BCAR1: variants seen among roughly 807,000 people sequenced by gnomAD.
The protein encoded by BCAR1 is breast cancer anti-estrogen resistance protein 1.
A neutral mutation model predicts 67.6 loss-of-function variants in BCAR1; 30 were observed. That is an observed-to-expected ratio of 0.44 (90% CI 0.33 to 0.60). BCAR1 has a LOEUF of 0.60. BCAR1 is among the 20% of genes least tolerant of loss of function. BCAR1 has a pLI of 0.02. For missense variants in BCAR1, 1,313 were observed against 1,222.3 expected (o/e 1.07, Z -1.11); for synonymous variants, 626 against 556.7 (o/e 1.12, Z -1.75).
intron 2 of BCAR1, chr16:75,238,082 T>C (rs753625070): frequency 4.1e-5 from 53 of 1,288,600 alleles, no homozygotes; most frequent in Non-Finnish European, 2.3e-5. Flanking sequence ...CCTCCCCAGG[T>C]GCTCTTACCA....
In BCAR1 at chr16:75,237,281, C is replaced by T. The variant is rs557098303; in HGVS notation, c.697G>A (p.Glu233Lys). The change falls in exon 3 of 7, where the codon GAG (glutamate) becomes AAG (lysine). Residue 233 changes from glutamate (E) to lysine (K), a missense_variant. Coordinates refer to ENST00000162330, the MANE Select transcript of BCAR1 (RefSeq NM_014567.5). ...VYEAAQPEQD[E>K]YDIPRHLLAP... ...AGCAGGTGTCGCGGGATGTCGTACT[C>T]GTCCTGCTCCGGCTGGGCGGCCTCG... 6.4e-5 allele frequency: 98 copies of T among 1,519,462 alleles called. No homozygotes were observed. The African/African-American group carries it at 1.1e-3, about 16-fold the overall frequency. 94.1% of individuals were successfully genotyped at this position (1,519,462 alleles called of 1,614,324 possible).
At chr16:75,243,875 C>T (rs1415502854) in intron 1 of BCAR1, among the ~76,000 whole-genome samples, 1 of 151,976 alleles carries the variant, frequency 6.6e-6, no homozygotes, top group Non-Finnish European at 1.5e-5. Flanking sequence ...CATGCATCCT[C>T]GCCCCTGCCG....
intron 1 of BCAR1, among the ~76,000 whole-genome samples, chr16:75,243,962 T>C (rs1597232493): frequency 6.6e-6 from 1 of 152,130 alleles, no homozygotes; most frequent in African/African-American, 2.4e-5. Context: ...GTGTGGGCGG[T>C]TGCAGCAAAA....
At chr16:75,255,987 T>C (rs2077765866), upstream of BCAR1, among the ~76,000 whole-genome samples, 1 of 151,962 alleles carries the variant, frequency 6.6e-6, no homozygotes, top group South Asian at 2.1e-4. Flanking sequence ...CGAAACTACG[T>C]CTCAAAAAAA....
At chr16:75,241,133 T>C (rs1182167633) in intron 2 of BCAR1, among the ~76,000 whole-genome samples, 1 of 152,238 alleles carries the variant, frequency 6.6e-6, no homozygotes, top group Non-Finnish European at 1.5e-5. Flanking sequence ...TTTGTATGTG[T>C]GGACGTACAC....
intron 3 of BCAR1, 46 bp from the exon 4 acceptor site, chr16:75,237,044 G>T: frequency 6.5e-7 from 1 of 1,543,230 alleles, no homozygotes; most frequent in Non-Finnish European, 8.8e-7. Flanking sequence ...GGCCACTTGG[G>T]GGAATAGGAA....
chr16:75,258,607 TG>T (rs1385457368), intron 1 of BCAR1, among the ~76,000 whole-genome samples: 2 of 152,146 alleles, frequency 1.3e-5, no homozygotes, highest in African/African-American at 2.4e-5. Flanking sequence ...ACAAGGTGCT[TG>T]GGGGCTTCTC....
chr16:75,239,687 G>A (rs1408633022), intron 2 of BCAR1, among the ~76,000 whole-genome samples: 2 of 152,126 alleles, frequency 1.3e-5, no homozygotes, highest in African/African-American at 2.4e-5. Flanking sequence ...GGAGCGCTGC[G>A]ACCACGGCCA....
rs963292998 is a variant in BCAR1 at position 75,229,608 on chromosome 16, G to A, written c.2516C>T (p.Ser839Leu). The stretch of plus-strand genomic sequence containing the variant: ...CACCATGTCCTGGGCCGCGGAAGGC[G>A]ATGGGTACTGCAAGGCAGCGGCCTT... ...TTKAAALQYP[S>L]PSAAQDMVER... The change falls in exon 7 of 7, where the codon TCG becomes TTG. Residue 839 changes from serine to leucine, a missense_variant. Physicochemically the swap from Ser to Leu is moderately radical, Grantham distance 145. Around this residue, in one of 2 missense-constraint regions of BCAR1, gnomAD observed 1,272 missense variants for 1,137.5 expected, o/e 1.12. Coordinates refer to ENST00000162330, the MANE Select transcript of BCAR1 (RefSeq NM_014567.5). The A allele has an allele frequency of 1.9e-6, 3 of 1,612,160 alleles. No homozygotes were observed. The highest frequency in any genetic ancestry group is 2.5e-6 in the Non-Finnish European group (3 of 1,179,754).
At chr16:75,237,472 C>G in intron 2 of BCAR1, 128 bp from the exon 3 acceptor site, 3 of 1,173,574 alleles carry the variant, frequency 2.6e-6, no homozygotes, top group Non-Finnish European at 3.4e-6. Context: ...CGGGGCTCCC[C>G]AAGGATGCCA....
Position 75,229,152 on chromosome 16 carries a change from C to T in BCAR1, c.*359G>A. ...AAGGCGGAGGACACACCAAACTGCA[C>T]TGGCCCTGTCAGGGGACACGGCACC... On this transcript the variant is annotated 3_prime_UTR_variant, in exon 7 of 7. Coordinates refer to ENST00000162330, the MANE Select transcript of BCAR1 (RefSeq NM_014567.5). The T allele has an allele frequency of 4.1e-6, 1 of 245,360 alleles. No individual in the cohort carries two copies. The allele number at this position is 245,360 out of a possible 1,614,324, so 15.2% of individuals were successfully genotyped here. A position where few individuals can be genotyped will look rare whatever the true frequency, so the allele number is the denominator to read the frequency against.
intron 1 of BCAR1, chr16:75,266,690 G>T: frequency 7.4e-7 from 1 of 1,348,108 alleles, no homozygotes; most frequent in Non-Finnish European, 9.7e-7. Flanking sequence ...ACATTTCATA[G>T]GCCCAGGCAC....
chr16:75,251,989 T>A, upstream of BCAR1: 1 of 615,564 alleles, frequency 1.6e-6, no homozygotes, highest in South Asian at 2.0e-5. Context: ...AGACATGGCC[T>A]CAAGTCGACT....
rs1001303645 is a variant in BCAR1 at position 75,235,701 on chromosome 16, C to T, written c.1198G>A (p.Ala400Thr). 2 of 1,611,216 alleles carry T rather than the reference C, an allele frequency of 1.2e-6. No individual in the cohort carries two copies. Among genetic ancestry groups the T allele is most frequent in the Admixed American group, 3.3e-5 (2 of 59,836 alleles). Reference sequence around the variant, plus strand: ...CCACTGTCGACCACGCCACCATCAGCCACCTCAGGAGGAAGCACCCGTTCA... The same window carrying T: ...CCACTGTCGACCACGCCACCATCAGTCACCTCAGGAGGAAGCACCCGTTCA... ...PRERVLPPEV[A>T]DGGVVDSGVY... Residue 400 changes from alanine (A) to threonine (T), a missense_variant, in exon 5 of 7, where the codon GCT (alanine) becomes ACT (threonine). Around this residue, in one of 2 missense-constraint regions of BCAR1, gnomAD observed 1,272 missense variants for 1,137.5 expected, o/e 1.12. Transcript: ENST00000162330.
chr16:75,235,277 A>C lies in BCAR1; in HGVS notation c.1622T>G (p.Leu541Arg). 1 of 1,606,330 alleles carries C rather than the reference A, an allele frequency of 6.2e-7. No homozygotes were observed. The change falls in exon 5 of 7, where the codon CTT becomes CGT. Residue 541 changes from leucine to arginine, a missense_variant. Coordinates refer to ENST00000162330, the MANE Select transcript of BCAR1 (RefSeq NM_014567.5). ...HTSDRALHAK[L>R]SRQLQKMEDV... Reference sequence around the variant, plus strand: ...CTCCATCTTCTGCAGCTGCCGGCTAAGCTTGGCATGCAGGGCACGGTCAGA... The same window carrying C: ...CTCCATCTTCTGCAGCTGCCGGCTACGCTTGGCATGCAGGGCACGGTCAGA...
chr16:75,257,703 C>A (rs1448309231), intron 1 of BCAR1, among the ~76,000 whole-genome samples: 1 of 152,198 alleles, frequency 6.6e-6, no homozygotes, highest in Admixed American at 6.5e-5. Context: ...GCGATCCTCC[C>A]GCCTTGACTT....
Position 75,235,704 on chromosome 16 carries a change from C to A in BCAR1, c.1195G>T (p.Val399Leu). ...VPRERVLPPE[V>L]ADGGVVDSGV... The stretch of plus-strand genomic sequence containing the variant: ...CTGTCGACCACGCCACCATCAGCCA[C>A]CTCAGGAGGAAGCACCCGTTCACGG... Residue 399 changes from valine (V) to leucine (L), a missense_variant, in exon 5 of 7, where the codon GTG becomes TTG. By Grantham distance (32) the Val-to-Leu change is conservative (BLOSUM62 1). Transcript: ENST00000162330. 1 of 1,611,084 alleles carries A rather than the reference C, an allele frequency of 6.2e-7. No individual in the cohort carries two copies. The highest frequency in any genetic ancestry group is 1.3e-5 in the African/African-American group (1 of 75,022).
Position 75,236,998 on chromosome 16 carries a change from C to A in BCAR1, c.796G>T (p.Val266Leu). 1 of 1,596,190 alleles carries A rather than the reference C, an allele frequency of 6.3e-7. No homozygotes were observed. Among genetic ancestry groups the A allele is most frequent in the Non-Finnish European group, 8.5e-7 (1 of 1,170,212 alleles). ...ACAGCCATGGGGGGTGTGTCATACA[C>A]CTGGGGCAGAAACAGTGCAGGGTTA... ...GLLPSQYGQE[V>L]YDTPPMAVKG... The change falls in exon 4 of 7, where the codon GTG becomes TTG. Residue 266 changes from valine to leucine, a missense_variant and splice_region_variant. Coordinates refer to ENST00000162330, the MANE Select transcript of BCAR1 (RefSeq NM_014567.5).
intron 1 of BCAR1, chr16:75,250,656 C>G: frequency 2.0e-6 from 2 of 985,514 alleles, no homozygotes; most frequent in Non-Finnish European, 2.4e-6. Flanking sequence ...CTCCGCTTTC[C>G]CAACTCCCTC....
Sources: gnomAD v4.1 joint callset for allele counts (sites outside exome capture counted in the v4.1 genomes callset) on GRCh38, gnomAD v4.1.1 for gene constraint, gnomAD v4.1.1 regional missense constraint, MANE v1.5 for transcripts, NCBI Gene and HGNC (gene_info 2026-07-23, HGNC 2026-07-21) for gene names.